The following CDH1 variants were observed in gnomAD, a reference collection of about 807,000 sequenced individuals.
CDH1 encodes cadherin-1.
A neutral mutation model predicts 84.5 loss-of-function variants in CDH1; 35 were observed. The observed-to-expected ratio is 0.41, with a 90% CI of 0.32 to 0.55. The LOEUF is 0.55. Among genes scored for constraint, CDH1 ranks in the 20% least tolerant of loss-of-function variants. The pLI is 0.19. For missense variants in CDH1, 994 were observed against 1,126.6 expected (o/e 0.88, Z 1.68); for synonymous variants, 417 against 439.0 (o/e 0.95, Z 0.63).
rs116093395 is a variant in CDH1 at position 68,748,662 on chromosome 16, T to C, written c.163+10251T>C. ...GATGAATTTCCATAGGTGAGCCTGC[T>C]GGGTCCAGGTATGTGCATTTGTAAT... On this transcript the variant is annotated intron_variant, in intron 2 of 15. Coordinates refer to ENST00000261769, the MANE Select transcript of CDH1 (RefSeq NM_004360.5). 9.6e-3 allele frequency among the ~76,000 whole-genome samples: 1,467 copies of C among 152,310 alleles called. 26 individuals are homozygous for C. Among genetic ancestry groups the C allele is most frequent in the African/African-American group, 0.033 (1,371 of 41,562 alleles).
intron 2 of CDH1, among the ~76,000 whole-genome samples, chr16:68,786,474 T>C (rs1488652933): frequency 6.6e-6 from 1 of 151,558 alleles, no homozygotes; most frequent in Non-Finnish European, 1.5e-5. Flanking sequence ...CTGACCCTAC[T>C]TGGAATTCTT....
In CDH1 at chr16:68,801,800, C is replaced by A. The variant is rs1177900932; in HGVS notation, c.294C>A (p.Phe98Leu). 1 of 1,614,106 alleles carries A rather than the reference C, an allele frequency of 6.2e-7. No homozygotes were observed. The highest frequency in any genetic ancestry group is 1.3e-5 in the African/African-American group (1 of 74,952). Residue 98 changes from phenylalanine to leucine, a missense_variant, in exon 3 of 16, where the codon TTC (phenylalanine) becomes TTA (leucine). By Grantham distance (22) the Phe-to-Leu change is conservative. This residue lies in a region of CDH1 where 203 missense variants were observed against 194.0 expected (regional missense o/e 1.05). Coordinates refer to ENST00000261769, the MANE Select transcript of CDH1 (RefSeq NM_004360.5). The part of the protein sequence containing the change: ...PLRFHNPQIH[F>L]LVYAWDSTYR... ...GGTTTCATAACCCACAGATCCATTTCTTGGTCTACGCCTGGGACTCCACCT... is the reference window on the plus strand; with the variant it reads ...GGTTTCATAACCCACAGATCCATTTATTGGTCTACGCCTGGGACTCCACCT...
intron 2 of CDH1, among the ~76,000 whole-genome samples, chr16:68,790,937 T>C (rs1434739982): frequency 6.6e-6 from 1 of 152,012 alleles, no homozygotes; most frequent in East Asian, 1.9e-4. Context: ...GAAAGAAAAA[T>C]GATTTAAAAC....
intron 2 of CDH1, among the ~76,000 whole-genome samples, chr16:68,786,694 C>T (rs1041437172): frequency 6.6e-6 from 1 of 152,042 alleles, no homozygotes. Flanking sequence ...CTGCCTTTCC[C>T]ATCAATGCTT....
At chr16:68,819,840 A>G (rs534179760) in intron 11 of CDH1, among the ~76,000 whole-genome samples, 36 of 152,292 alleles carry the variant, frequency 2.4e-4, no homozygotes, top group African/African-American at 8.7e-4. Context: ...AATGGCCTCC[A>G]GTTTCATCCA....
intron 2 of CDH1, chr16:68,763,613 G>A (rs1245579567): frequency 3.3e-5 from 5 of 152,208 alleles, no homozygotes; most frequent in African/African-American, 4.8e-5. Flanking sequence ...ATAAATCTGC[G>A]GAGGGGTCTC....
At chr16:68,777,910 T>G (rs1468271314) in intron 2 of CDH1, among the ~76,000 whole-genome samples, 4 of 151,964 alleles carry the variant, frequency 2.6e-5, no homozygotes, top group Admixed American at 6.6e-5. Flanking sequence ...TTTTGTATTT[T>G]TAGTAGAGAT....
At chr16:68,833,133 C>T (rs1961527783) in intron 15 of CDH1, among the ~76,000 whole-genome samples, 157 bp from the exon 16 acceptor site, 1 of 152,212 alleles carries the variant, frequency 6.6e-6, no homozygotes, top group African/African-American at 2.4e-5. Context: ...CCTTCCATGA[C>T]AGTGTGTATA....
At chr16:68,786,318 C>T (rs892852147) in intron 2 of CDH1, among the ~76,000 whole-genome samples, 7 of 151,850 alleles carry the variant, frequency 4.6e-5, no homozygotes, top group Admixed American at 6.6e-5. Context: ...ATTACAGGTG[C>T]CCGCCACCAT....
chr16:68,742,383 G>C (rs1047436933), intron 2 of CDH1: 1 of 152,484 alleles, frequency 6.6e-6, no homozygotes, highest in African/African-American at 2.4e-5. Flanking sequence ...AGGTTCCAGT[G>C]ATTCTCCTGC....
chr16:68,813,521 A>C (rs746077148), intron 9 of CDH1, 26 bp downstream of exon 9: 2 of 1,608,532 alleles, frequency 1.2e-6, no homozygotes, highest in Non-Finnish European at 1.7e-6. Flanking sequence ...GGCAAGATGC[A>C]GAAACTGGCA....
intron 2 of CDH1, among the ~76,000 whole-genome samples, chr16:68,774,169 C>T (rs1959663957): frequency 6.6e-6 from 1 of 152,206 alleles, no homozygotes; most frequent in African/African-American, 2.4e-5. Context: ...CTGCTTCAGC[C>T]TCCTAAAGTG....
chr16:68,798,183 T>C (rs1282398990), intron 2 of CDH1, among the ~76,000 whole-genome samples: 1 of 152,196 alleles, frequency 6.6e-6, no homozygotes. Context: ...CCAAATAAGT[T>C]TATGAAAGGT....
At chr16:68,758,207 CTTTTTTTTTTTTTT>C (rs57413297) in intron 2 of CDH1, among the ~76,000 whole-genome samples, 8 of 40,050 alleles carry the variant, frequency 2.0e-4, no homozygotes, top group South Asian at 1.7e-3. Flanking sequence ...CTTTTTATTT[CTTTTTTTTTTTTTT>C]TTTTTTTTTT....
At position 68,806,290 on chromosome 16, in the gene CDH1, C is replaced by T. The variant is rs1960658499; in HGVS notation, c.388-2134C>T. On this transcript the variant is annotated intron_variant, in intron 3 of 15. Coordinates refer to ENST00000261769, the MANE Select transcript of CDH1 (RefSeq NM_004360.5). Reference sequence around the variant, plus strand: ...CCTCAGCCTCCCAAGTAGTTGGGACCCCGTGTGTGCCACCATGCCCGGCTA... The same window carrying T: ...CCTCAGCCTCCCAAGTAGTTGGGACTCCGTGTGTGCCACCATGCCCGGCTA... 3.3e-5 allele frequency among the ~76,000 whole-genome samples: 5 copies of T among 152,032 alleles called. No individual in the cohort carries two copies. In the South Asian group the frequency reaches 1.0e-3, roughly 32 times the overall value.
intron 2 of CDH1, among the ~76,000 whole-genome samples, chr16:68,788,951 T>G (rs4552018): frequency 0.27 from 41,093 of 151,836 alleles, 5,717 homozygotes; most frequent in Middle Eastern, 0.32. Flanking sequence ...GTTGCGGTAA[T>G]CTGAGGTCAT....
chr16:68,816,292 G>A (rs1173411110), intron 10 of CDH1, among the ~76,000 whole-genome samples: 9 of 152,134 alleles, frequency 5.9e-5, no homozygotes, highest in Admixed American at 3.3e-4. Flanking sequence ...GATTACAGGC[G>A]TGAGCCACCG....
At chr16:68,772,048 T>C (rs768954660) in intron 2 of CDH1, among the ~76,000 whole-genome samples, 5 of 152,194 alleles carry the variant, frequency 3.3e-5, no homozygotes, top group Admixed American at 6.5e-5. Context: ...GGTGGCATAG[T>C]TGATAAGTGG....
intron 13 of CDH1, among the ~76,000 whole-genome samples, chr16:68,824,163 A>T (rs1961257891): frequency 6.6e-6 from 1 of 151,740 alleles, no homozygotes; most frequent in South Asian, 2.1e-4. Context: ...ACGCCCAGCT[A>T]ATTTTGTATT....
Sources: gnomAD v4.1 joint callset for allele counts (sites outside exome capture counted in the v4.1 genomes callset) on GRCh38, gnomAD v4.1.1 for gene constraint, gnomAD v4.1.1 regional missense constraint, MANE v1.5 for transcripts, NCBI Gene and HGNC (gene_info 2026-07-23, HGNC 2026-07-21) for gene names.